Variants in PLEKHH2 observed in about 807,000 individuals in gnomAD.
PLEKHH2 encodes the protein pleckstrin homology, MyTH4 and FERM domain containing H2.
In PLEKHH2, 129 loss-of-function variants were observed where a neutral mutation model predicts 187.9. That is an observed-to-expected ratio of 0.69 (90% CI 0.59 to 0.79). PLEKHH2 has a LOEUF of 0.79. PLEKHH2 is among the 30% of genes least tolerant of loss of function. PLEKHH2 has a pLI of 0.00. For missense variants in PLEKHH2, 2,076 were observed against 1,751.2 expected, an observed-to-expected ratio of 1.19 and a Z score of -3.31; for synonymous variants, 686 against 605.6, an observed-to-expected ratio of 1.13 and a Z score of -1.95.
In PLEKHH2 at chr2:43,738,345, G is replaced by A; in HGVS notation, c.2948G>A (p.Cys983Tyr). 3 of 1,606,092 alleles carry A rather than the reference G, an allele frequency of 1.9e-6. No individual in the cohort carries two copies. Among genetic ancestry groups the A allele is most frequent in the Non-Finnish European group, 2.6e-6 (3 of 1,174,692 alleles). ...QTEAIKLFKT[C>Y]QLFINAAVDS... ...ATCTTTTTTTGTTTAATTCAGACCT[G>A]CCAGCTTTTTATAAATGCTGCAGTT... The change falls in exon 20 of 30, where the codon TGC becomes TAC. Residue 983 changes from cysteine (C) to tyrosine (Y), a missense_variant. Physicochemically the swap from Cys to Tyr is radical, Grantham distance 194. Transcript: ENST00000282406.
At chr2:43,638,170 G>T (rs975964864) in intron 1 of PLEKHH2, among the ~76,000 whole-genome samples, 5 of 152,104 alleles carry the variant, frequency 3.3e-5, no homozygotes, top group African/African-American at 9.7e-5. Context: ...CGTTGCCCAA[G>T]TGGGGCTAGG....
chr2:43,742,592 G>A (rs1461975239), intron 21 of PLEKHH2, 149 bp from the exon 22 acceptor site: 4 of 513,114 alleles, frequency 7.8e-6, no homozygotes, highest in East Asian at 3.5e-5. Flanking sequence ...GAAAGTTACA[G>A]CAGTTTAGTA....
chr2:43,691,310 C>G (rs954265497), intron 3 of PLEKHH2, among the ~76,000 whole-genome samples: 3 of 152,194 alleles, frequency 2.0e-5, no homozygotes, highest in Non-Finnish European at 4.4e-5. Context: ...GTGGTCCCCC[C>G]ACCCGAAGCA....
chr2:43,757,660 T>C (rs1339264652), intron 26 of PLEKHH2, among the ~76,000 whole-genome samples: 2 of 152,078 alleles, frequency 1.3e-5, no homozygotes, highest in Non-Finnish European at 2.9e-5. Flanking sequence ...CCTCATGAAC[T>C]GCCTGTCTCA....
At chr2:43,697,521 A>G (rs548787015) in intron 7 of PLEKHH2, among the ~76,000 whole-genome samples, 165 bp downstream of exon 7, 114 of 152,246 alleles carry the variant, frequency 7.5e-4, no homozygotes, top group African/African-American at 2.6e-3. Flanking sequence ...TTGTGTGTCT[A>G]ATTATTTTGT....
intron 15 of PLEKHH2, among the ~76,000 whole-genome samples, chr2:43,717,117 G>A (rs2104534449): frequency 6.6e-6 from 1 of 152,088 alleles, no homozygotes; most frequent in East Asian, 1.9e-4. Context: ...TTATGAATGA[G>A]GTAAAGAACA....
chr2:43,677,805 CG>C (rs1667903989), intron 2 of PLEKHH2, among the ~76,000 whole-genome samples: 1 of 148,476 alleles, frequency 6.7e-6, no homozygotes, highest in African/African-American at 2.5e-5. Flanking sequence ...CCTCCCGCAC[CG>C]GGCAGCTGGC....
intron 16 of PLEKHH2, among the ~76,000 whole-genome samples, chr2:43,724,885 C>T (rs1330271455): frequency 2.0e-5 from 3 of 152,176 alleles, no homozygotes; most frequent in African/African-American, 2.4e-5. Context: ...GAAGCAGCCT[C>T]ATTGTCTGGG....
rs112771786 is a variant in PLEKHH2 at position 43,639,989 on chromosome 2, G to A, written c.-4+2610G>A. 5.4e-3 allele frequency among the ~76,000 whole-genome samples: 814 copies of A among 152,034 alleles called. 7 individuals carry two copies. Among genetic ancestry groups the A allele is most frequent in the African/African-American group, 0.019 (786 of 41,484 alleles). ...CTACATTTTATTCATTCATCTGATG[G>A]TGGACACAGGCTGTTTCTACTCTTT... On this transcript the variant is annotated intron_variant, in intron 1 of 29. Transcript: ENST00000282406.
At chr2:43,756,418 G>A (rs565520611) in intron 25 of PLEKHH2, among the ~76,000 whole-genome samples, 1 of 151,794 alleles carries the variant, frequency 6.6e-6, no homozygotes, top group Non-Finnish European at 1.5e-5. Flanking sequence ...TCAGCCTCCC[G>A]AGTAGCTGGG....
Position 43,758,978 on chromosome 2 carries a change from G to A in PLEKHH2, c.4020G>A (p.Leu1340=), listed in dbSNP as rs372567963. Residue 1340 remains leucine (L), a synonymous_variant, in exon 27 of 30, where the codon TTG becomes TTA. Coordinates refer to ENST00000282406, the MANE Select transcript of PLEKHH2 (RefSeq NM_172069.4). The part of the protein sequence containing the change: ...HSAADCVRIY[L]TVARKWPFFG... Reference sequence around the variant, plus strand: ...CTGCTGACTGTGTGCGCATTTATTTGACAGTAGCCAGGAAGTGGCCATTCT... The same window carrying A: ...CTGCTGACTGTGTGCGCATTTATTTAACAGTAGCCAGGAAGTGGCCATTCT... The A allele has an allele frequency of 2.2e-5, 35 of 1,612,684 alleles. No homozygotes were observed. Among genetic ancestry groups the A allele is most frequent in the Admixed American group, 1.2e-4 (7 of 59,956 alleles).
chr2:43,741,809 A>C (rs747800830), intron 21 of PLEKHH2, among the ~76,000 whole-genome samples: 3 of 152,184 alleles, frequency 2.0e-5, no homozygotes, highest in Non-Finnish European at 4.4e-5. Context: ...CTTGAATACA[A>C]ACATATTTGA....
intron 19 of PLEKHH2, among the ~76,000 whole-genome samples, chr2:43,734,191 CATGGCCA>C (rs1477601440): frequency 1.3e-5 from 2 of 152,196 alleles, no homozygotes; most frequent in African/African-American, 4.8e-5. Flanking sequence ...GTCATCAACA[CATGGCCA>C]ATTTTGTTTT....
intron 15 of PLEKHH2, among the ~76,000 whole-genome samples, 181 bp downstream of exon 15, chr2:43,712,564 T>C (rs1670018868): frequency 6.6e-6 from 1 of 152,192 alleles, no homozygotes; most frequent in Non-Finnish European, 1.5e-5. Flanking sequence ...AGAAGACAAA[T>C]TTGACTATAA....
At chr2:43,666,032 C>T (rs1161949804) in intron 2 of PLEKHH2, among the ~76,000 whole-genome samples, 1 of 148,224 alleles carries the variant, frequency 6.7e-6, no homozygotes, top group Non-Finnish European at 1.5e-5. Flanking sequence ...GCTTTGTTTA[C>T]CTAAGCAAGC....
Position 43,692,576 on chromosome 2 carries a change from A to T in PLEKHH2, c.249A>T (p.Arg83Ser), listed in dbSNP as rs371787553. 111 of 1,603,198 alleles carry T rather than the reference A, an allele frequency of 6.9e-5. No individual in the cohort carries two copies. The highest frequency in any genetic ancestry group is 8.8e-5 in the Non-Finnish European group (103 of 1,170,844). ...TTCAAACCAGTGAATCAGAGACAAG[A>T]TTATATAATAAGTGTCAAGATCTGG... ...ANIQTSESET[R>S]LYNKCQDLES... Residue 83 changes from arginine to serine, a missense_variant, in exon 4 of 30, where the codon AGA becomes AGT. Arg to Ser is a moderately radical substitution (Grantham distance 110). Transcript: ENST00000282406.
intron 2 of PLEKHH2, 108 bp from the exon 3 acceptor site, chr2:43,678,737 AGTGGAGGTGGAGGTGGAG>A (rs1029434928): frequency 7.3e-6 from 3 of 412,304 alleles, no homozygotes; most frequent in African/African-American, 5.7e-5. Flanking sequence ...TAGAGGTGGA[AGTGGAGGTGGAGGTGGAG>A]GTGGAGGTGG....
intron 2 of PLEKHH2, 119 bp downstream of exon 2, chr2:43,644,915 T>G: frequency 8.8e-7 from 1 of 1,139,230 alleles, no homozygotes; most frequent in Non-Finnish European, 1.2e-6. Flanking sequence ...TATTTGAAGC[T>G]ATATTTGGCA....
At chr2:43,678,382 G>A (rs945126670) in intron 2 of PLEKHH2, among the ~76,000 whole-genome samples, 17 of 152,086 alleles carry the variant, frequency 1.1e-4, no homozygotes, top group Non-Finnish European at 1.6e-4. Flanking sequence ...AGGTTGTAGC[G>A]AGCCGAGATC....
Sources: gnomAD v4.1 joint callset for allele counts (sites outside exome capture counted in the v4.1 genomes callset) on GRCh38, gnomAD v4.1.1 for gene constraint, MANE v1.5 for transcripts, NCBI Gene and HGNC (gene_info 2026-07-23, HGNC 2026-07-21) for gene names.